RPRD1B: variants seen among roughly 807,000 people sequenced by gnomAD.
The protein encoded by RPRD1B is regulation of nuclear pre-mRNA domain containing 1B.
Under a neutral mutation model 41.5 loss-of-function variants are expected in RPRD1B, and 11 were observed. The ratio of observed to expected loss-of-function variants is 0.27; its 90% CI spans 0.17 to 0.44. RPRD1B has a LOEUF of 0.44. Ranked by LOEUF, RPRD1B falls within the 20% of genes least tolerant of loss-of-function variation. The pLI is 1.00. For missense variants in RPRD1B, 248 were observed against 389.9 expected (o/e 0.64, Z 3.06); for synonymous variants, 158 against 155.6 (o/e 1.02, Z -0.12).
rs562801229 is a variant in RPRD1B at position 38,052,763 on chromosome 20, T to G, written c.415+4282T>G. ...GGACCAAACGCGGTGTTTTTTTTTTTTTTTTTTTTTTTTTTTTAAATCACA... is the reference window on the plus strand; with the variant it reads ...GGACCAAACGCGGTGTTTTTTTTTTGTTTTTTTTTTTTTTTTTAAATCACA... On this transcript the variant is annotated intron_variant, in intron 3 of 6. Transcript: ENST00000373433. 1.5e-3 allele frequency among the ~76,000 whole-genome samples: 229 copies of G among 148,970 alleles called. 1 individual carries two copies. Among genetic ancestry groups the G allele is most frequent in the Non-Finnish European group, 2.4e-3 (158 of 67,106 alleles).
chr20:38,065,706 C>A (rs1447931063), intron 5 of RPRD1B, among the ~76,000 whole-genome samples: 1 of 152,104 alleles, frequency 6.6e-6, no homozygotes, highest in African/African-American at 2.4e-5. Flanking sequence ...ATATAGGGGC[C>A]AACCGTAATA....
At chr20:38,051,854 T>G (rs2074188202) in intron 3 of RPRD1B, among the ~76,000 whole-genome samples, 1 of 152,156 alleles carries the variant, frequency 6.6e-6, no homozygotes, top group Non-Finnish European at 1.5e-5. Flanking sequence ...CAGGTTCAAG[T>G]GATTCTCCTG....
At position 38,057,621 on chromosome 20, in the gene RPRD1B, G is replaced by T; in HGVS notation, c.505G>T (p.Asp169Tyr). The change falls in exon 4 of 7, where the codon GAT (aspartate) becomes TAT (tyrosine). Residue 169 changes from aspartate (D) to tyrosine (Y), a missense_variant. Asp to Tyr is a radical substitution (Grantham distance 160). Transcript: ENST00000373433. ...CTACCCTGGCAGCTACTCTCCTCAG[G>T]ATCCTTCTGCAGGACCCCTCTTGGT... Reference protein sequence around the residue: ...DDYPGSYSPQDPSAGPLLTEE... With the variant: ...DDYPGSYSPQYPSAGPLLTEE... 2 of 1,613,962 alleles carry T rather than the reference G, an allele frequency of 1.2e-6. No individual in the cohort carries two copies. The highest frequency in any genetic ancestry group is 1.7e-6 in the Non-Finnish European group (2 of 1,179,842).
chr20:38,041,585 A>G (rs1468913414), intron 2 of RPRD1B, among the ~76,000 whole-genome samples: 3 of 152,244 alleles, frequency 2.0e-5, no homozygotes, highest in Non-Finnish European at 4.4e-5. Context: ...CTGAATCTTC[A>G]TAACAGAGTA....
At chr20:38,034,342 A>G (rs890843062) in intron 1 of RPRD1B, among the ~76,000 whole-genome samples, 9 of 151,988 alleles carry the variant, frequency 5.9e-5, no homozygotes, top group African/African-American at 1.5e-4. Context: ...TCATCAAGCC[A>G]TTTTCCCTTC....
intron 1 of RPRD1B, among the ~76,000 whole-genome samples, chr20:38,037,664 A>T (rs545604566): frequency 2.0e-5 from 3 of 152,246 alleles, no homozygotes; most frequent in Admixed American, 6.5e-5. Flanking sequence ...ACTGTTGAGG[A>T]TGTTGAATAT....
intron 5 of RPRD1B, among the ~76,000 whole-genome samples, chr20:38,065,471 A>T (rs1302794995): frequency 6.6e-6 from 1 of 152,212 alleles, no homozygotes. Context: ...AAGGCCCTTA[A>T]ATGGTGTCGG....
At chr20:38,051,053 C>T (rs975669900) in intron 3 of RPRD1B, among the ~76,000 whole-genome samples, 1 of 152,020 alleles carries the variant, frequency 6.6e-6, no homozygotes, top group African/African-American at 2.4e-5. Context: ...TGGAGTTTAC[C>T]TCTGAAATAA....
intron 5 of RPRD1B, among the ~76,000 whole-genome samples, chr20:38,064,466 G>A (rs2074332370): frequency 6.6e-6 from 1 of 152,178 alleles, no homozygotes; most frequent in Admixed American, 6.5e-5. Flanking sequence ...CCACGGTACT[G>A]CCGGAGTCTC....
chr20:38,035,975 A>C (rs1235794480), intron 1 of RPRD1B, among the ~76,000 whole-genome samples: 1 of 152,050 alleles, frequency 6.6e-6, no homozygotes, highest in African/African-American at 2.4e-5. Flanking sequence ...TGTGTTAGCC[A>C]GGATGGTCTT....
chr20:38,051,908 C>G (rs1008785723), intron 3 of RPRD1B, among the ~76,000 whole-genome samples: 1 of 152,168 alleles, frequency 6.6e-6, no homozygotes, highest in Non-Finnish European at 1.5e-5. Context: ...TGTGCCACCA[C>G]GCCTGGCTAA....
intron 2 of RPRD1B, among the ~76,000 whole-genome samples, chr20:38,047,187 CT>C (rs1398049072): frequency 3.3e-5 from 5 of 151,694 alleles, no homozygotes; most frequent in African/African-American, 4.8e-5. Context: ...AATGTTTTTC[CT>C]TTTTTTTCCC....
At chr20:38,038,764 C>T (rs575932357) in intron 1 of RPRD1B, among the ~76,000 whole-genome samples, 1 of 152,264 alleles carries the variant, frequency 6.6e-6, no homozygotes, top group Non-Finnish European at 1.5e-5. Flanking sequence ...TCCCGGAGTG[C>T]TGGGATTACA....
chr20:38,087,977 C>T (rs1393027224), intron 6 of RPRD1B, among the ~76,000 whole-genome samples: 2 of 152,176 alleles, frequency 1.3e-5, no homozygotes, highest in East Asian at 1.9e-4. Flanking sequence ...CAGGAGCTTA[C>T]TAGTTAAATG....
At chr20:38,088,650 G>C (rs1360131080) in intron 6 of RPRD1B, among the ~76,000 whole-genome samples, 1 of 152,206 alleles carries the variant, frequency 6.6e-6, no homozygotes, top group Non-Finnish European at 1.5e-5. Flanking sequence ...TTTATCAAGA[G>C]TACCTTTTTC....
intron 3 of RPRD1B, among the ~76,000 whole-genome samples, chr20:38,050,823 A>G (rs1474288761): frequency 6.6e-6 from 1 of 152,170 alleles, no homozygotes; most frequent in Non-Finnish European, 1.5e-5. Context: ...CTCTTTCTCT[A>G]TTCTATAAAG....
chr20:38,056,868 A>G (rs1469469125), intron 3 of RPRD1B, among the ~76,000 whole-genome samples: 1 of 152,232 alleles, frequency 6.6e-6, no homozygotes, highest in Non-Finnish European at 1.5e-5. Context: ...TTTGATGCAA[A>G]AAGAATGATT....
intron 6 of RPRD1B, among the ~76,000 whole-genome samples, chr20:38,076,906 C>CTTTTTTTTTTTTTTTTTTTTTTTTT (rs573460686): frequency 3.1e-5 from 2 of 63,524 alleles, no homozygotes; most frequent in African/African-American, 1.6e-4. Flanking sequence ...CATTCTGGAC[C>CTTTTTTTTTTTTTTTTTTTTTTTTT]TTTTTTTTTT....
At chr20:38,052,149 C>G (rs897442654) in intron 3 of RPRD1B, among the ~76,000 whole-genome samples, 2 of 152,096 alleles carry the variant, frequency 1.3e-5, no homozygotes, top group Non-Finnish European at 2.9e-5. Flanking sequence ...AATGGTAATA[C>G]CTTCTAGGAT....
Sources: gnomAD v4.1 joint callset for allele counts (sites outside exome capture counted in the v4.1 genomes callset) on GRCh38, gnomAD v4.1.1 for gene constraint, MANE v1.5 for transcripts, NCBI Gene and HGNC (gene_info 2026-07-23, HGNC 2026-07-21) for gene names.